The following THSD7A variants were observed in gnomAD, a reference collection of about 807,000 sequenced individuals.
THSD7A encodes thrombospondin type 1 domain containing 7A.
In THSD7A, 96 loss-of-function variants were observed where a neutral mutation model predicts 231.3. The ratio of observed to expected loss-of-function variants is 0.41; its 90% CI spans 0.35 to 0.49. The LOEUF is 0.49. Among genes scored for constraint, THSD7A ranks in the 20% least tolerant of loss-of-function variants. The pLI, the probability that THSD7A is intolerant of heterozygous loss-of-function variation, is 0.05. For synonymous variants in THSD7A, 940 were observed against 743.3 expected (o/e 1.26, Z -4.30); for missense variants, 2,290 against 2,070.2 (o/e 1.11, Z -2.06).
chr7:11,696,323 C>G (rs906216228), intron 1 of THSD7A, among the ~76,000 whole-genome samples: 1 of 151,498 alleles, frequency 6.6e-6, no homozygotes, highest in South Asian at 2.1e-4. Context: ...TAGCACACTT[C>G]TTGTGTGACT....
At chr7:11,658,778 T>C (rs1319944653) in intron 1 of THSD7A, among the ~76,000 whole-genome samples, 1 of 151,756 alleles carries the variant, frequency 6.6e-6, no homozygotes, top group African/African-American at 2.4e-5. Context: ...AAGCAGAGGC[T>C]ACTAGTGTGG....
chr7:11,406,992 G>T lies in THSD7A; in HGVS notation c.3980C>A (p.Ser1327Tyr), dbSNP rs372808276. Residue 1327 changes from serine to tyrosine, a missense_variant, in exon 21 of 28, where the codon TCC becomes TAC. Ser to Tyr is a moderately radical substitution (Grantham distance 144). Coordinates refer to ENST00000423059, the MANE Select transcript of THSD7A (RefSeq NM_015204.3). The surrounding 1 kb of genome is among the most constrained non-coding windows in gnomAD (Gnocchi z 4.7). ...GCAGGGTTTGGACTGGTCCATCAGG[G>T]AAGGGCATGGTCTTCCATCACCTTG... ...PFQGDGRPCP[S>Y]LMDQSKPCPV... 6.2e-7 allele frequency: 1 copy of T among 1,613,746 alleles called. No homozygotes were observed. Among genetic ancestry groups the T allele is most frequent in the African/African-American group, 1.3e-5 (1 of 74,920 alleles).
At chr7:11,611,075 C>A (rs1475725166) in intron 2 of THSD7A, among the ~76,000 whole-genome samples, 1 of 152,086 alleles carries the variant, frequency 6.6e-6, no homozygotes, top group Non-Finnish European at 1.5e-5. Context: ...GGGAAATAAC[C>A]ACAGATGTTA....
At chr7:11,526,586 A>C (rs1212453568) in intron 6 of THSD7A, among the ~76,000 whole-genome samples, 1 of 152,242 alleles carries the variant, frequency 6.6e-6, no homozygotes, top group Admixed American at 6.5e-5. Flanking sequence ...TGTGCCTGTG[A>C]CATACCAAGC....
intron 1 of THSD7A, among the ~76,000 whole-genome samples, chr7:11,794,829 A>T (rs180971307): frequency 6.6e-6 from 1 of 152,024 alleles, no homozygotes; most frequent in Non-Finnish European, 1.5e-5. Flanking sequence ...TCTTTATGTC[A>T]GAGCACTGTG....
rs376753435 is a variant in THSD7A, at chr7:11,636,822, A to G, written c.330T>C (p.Asn110=). Residue 110 remains asparagine (N), a synonymous_variant, in exon 2 of 28, where the codon AAT becomes AAC. Coordinates refer to ENST00000423059, the MANE Select transcript of THSD7A (RefSeq NM_015204.3). This position sits in a 1 kb window ranked among gnomAD's most constrained non-coding sequence, Gnocchi z 10.0. ...TGTGCCAATCGCAAACTTTGAAACA[A>G]TTCTGCTGGTTATTGGGTCTCTCGG... The part of the protein sequence containing the change: ...KQAERPNNQQ[N]CFKVCDWHKE... 2 of 1,613,758 alleles carry G rather than the reference A, an allele frequency of 1.2e-6. No homozygotes were observed. Among genetic ancestry groups the G allele is most frequent in the African/African-American group, 2.7e-5 (2 of 74,882 alleles).
chr7:11,508,730 T>C (rs1395660167), intron 6 of THSD7A, among the ~76,000 whole-genome samples: 1 of 152,216 alleles, frequency 6.6e-6, no homozygotes, highest in African/African-American at 2.4e-5. Flanking sequence ...GAAAATGTGG[T>C]ATATACTCAT....
chr7:11,679,457 C>T (rs541924487), intron 1 of THSD7A, among the ~76,000 whole-genome samples: 1 of 152,270 alleles, frequency 6.6e-6, no homozygotes, highest in South Asian at 2.1e-4. Context: ...ACCCCATTGT[C>T]TCAGCCTAAA....
chr7:11,594,775 A>C (rs561852238), intron 2 of THSD7A, among the ~76,000 whole-genome samples: 1 of 152,310 alleles, frequency 6.6e-6, no homozygotes, highest in East Asian at 1.9e-4. Flanking sequence ...TCTTCTGTTG[A>C]GAAGGAGCCG....
In THSD7A at chr7:11,372,314, C is replaced by T. The variant is rs542561734; in HGVS notation, c.*3480G>A. On this transcript the variant is annotated 3_prime_UTR_variant, in exon 28 of 28. Transcript: ENST00000423059. ...TTCTTTTGGATGTCTGTCTTAAGTA[C>T]CTATGTATACAAAAGCCATTACTTT... 1 of 149,274 alleles carries T rather than the reference C, an allele frequency of 6.7e-6. No individual in the cohort carries two copies. Among genetic ancestry groups the T allele is most frequent in the African/African-American group, 2.5e-5 (1 of 40,648 alleles). The allele number at this position is 149,274 out of a possible 1,614,324, so 9.2% of individuals were successfully genotyped here. A position where few individuals can be genotyped will look rare whatever the true frequency, so the allele number is the denominator to read the frequency against.
chr7:11,606,756 G>A (rs1780746767), intron 2 of THSD7A, among the ~76,000 whole-genome samples: 1 of 151,976 alleles, frequency 6.6e-6, no homozygotes, highest in South Asian at 2.1e-4. Flanking sequence ...AGTGTTCAGA[G>A]TAGAGTAAAA....
intron 2 of THSD7A, among the ~76,000 whole-genome samples, chr7:11,623,699 A>G (rs1222583163): frequency 6.6e-6 from 1 of 152,132 alleles, no homozygotes; most frequent in Non-Finnish European, 1.5e-5. Context: ...CAAACCTAGA[A>G]CATGTAGAGT....
rs1411509560 is a variant in THSD7A, at chr7:11,371,674, G to A, written c.*4120C>T. 3 of 151,642 alleles carry A rather than the reference G, an allele frequency of 2.0e-5. No homozygotes were observed. Among genetic ancestry groups the A allele is most frequent in the East Asian group, 1.9e-4 (1 of 5,150 alleles). 9.4% of individuals were successfully genotyped at this position (151,642 alleles called of 1,614,324 possible). On this transcript the variant is annotated 3_prime_UTR_variant, in exon 28 of 28. Coordinates refer to ENST00000423059, the MANE Select transcript of THSD7A (RefSeq NM_015204.3). ...TGGTGTGGAATGTGAACAAAGACTC[G>A]AGATGGAGGCAGGAGGATATGGGAT...
intron 1 of THSD7A, among the ~76,000 whole-genome samples, chr7:11,654,013 T>A (rs1212925408): frequency 6.6e-6 from 1 of 151,898 alleles, no homozygotes; most frequent in Non-Finnish European, 1.5e-5. Context: ...TCACTGAACA[T>A]TGAGGAGAAG....
rs563809048 is a variant in THSD7A, at chr7:11,601,234, A to T, written c.1023-7732T>A. 1.3e-3 allele frequency among the ~76,000 whole-genome samples: 202 copies of T among 152,232 alleles called. 1 individual carries two copies. The highest frequency in any genetic ancestry group is 4.6e-3 in the African/African-American group (193 of 41,542). On this transcript the variant is annotated intron_variant, in intron 2 of 27. Transcript: ENST00000423059. ...TTCATACTTATTAAGCTCATATTGT[A>T]TGTGCAGAGAAAGGATTAACAATCT...
chr7:11,609,244 A>G (rs776940170), intron 2 of THSD7A, among the ~76,000 whole-genome samples: 2 of 152,136 alleles, frequency 1.3e-5, no homozygotes, highest in African/African-American at 2.4e-5. Flanking sequence ...AAAGAATAAA[A>G]CATGGCATGC....
intron 1 of THSD7A, among the ~76,000 whole-genome samples, chr7:11,810,513 T>C (rs1476513059): frequency 6.6e-6 from 1 of 152,136 alleles, no homozygotes; most frequent in East Asian, 1.9e-4. Context: ...TTCAGTAAAA[T>C]GTTTGTGCAG....
chr7:11,702,859 T>G (rs1780648066), intron 1 of THSD7A, among the ~76,000 whole-genome samples: 1 of 151,258 alleles, frequency 6.6e-6, no homozygotes, highest in African/African-American at 2.4e-5. Flanking sequence ...TTATTAGTAG[T>G]AATATTATGG....
At chr7:11,595,305 A>G (rs1347363534) in intron 2 of THSD7A, among the ~76,000 whole-genome samples, 2 of 152,162 alleles carry the variant, frequency 1.3e-5, no homozygotes, top group Non-Finnish European at 2.9e-5. Context: ...TCTAATTAAT[A>G]TAAACAGAAA....
Sources: allele counts gnomAD v4.1 joint callset (sites outside exome capture counted in the v4.1 genomes callset), GRCh38; gene constraint gnomAD v4.1.1; non-coding constraint Gnocchi (gnomAD v3.1); transcripts MANE v1.5; gene names NCBI Gene and HGNC (gene_info 2026-07-23, HGNC 2026-07-21).